The following TTC19 variants were observed in gnomAD, a reference collection of about 807,000 sequenced individuals.
TTC19 encodes the protein tetratricopeptide repeat domain 19.
In TTC19, 38 loss-of-function variants were observed where a neutral mutation model predicts 49.5. The ratio of observed to expected loss-of-function variants is 0.77; its 90% CI spans 0.59 to 1.01. TTC19 has a LOEUF of 1.01. TTC19 is among the 50% of genes least tolerant of loss of function. The pLI, the probability that TTC19 is intolerant of heterozygous loss-of-function variation, is 0.00. For synonymous variants in TTC19, 204 were observed against 185.2 expected (o/e 1.10, Z -0.83); for missense variants, 475 against 477.7 (o/e 0.99, Z 0.05).
rs1567590353 is a variant in TTC19 at position 16,028,792 on chromosome 17, TG to T, written c.*1271del. The T allele has an allele frequency of 5.0e-6, 2 of 398,090 alleles. No homozygotes were observed. Among genetic ancestry groups the T allele is most frequent in the East Asian group, 1.5e-4 (2 of 13,516 alleles). The allele number at this position is 398,090 out of a possible 1,614,324, so 24.7% of individuals were successfully genotyped here. ...AATGAGACTACACAACAATATTGTA[TG>T]TATCCCAGTAATCTTTGCATTTCTC... On this transcript the variant is annotated 3_prime_UTR_variant, in exon 10 of 10. Transcript: ENST00000261647.
intron 7 of TTC19, among the ~76,000 whole-genome samples, chr17:16,016,456 TTGAA>T (rs1260735271): frequency 2.0e-5 from 3 of 152,160 alleles, no homozygotes; most frequent in African/African-American, 7.2e-5. Context: ...GTGTATTCTG[TTGAA>T]TGGAGTTTTC....
At chr17:16,005,597 C>T (rs571446244) in intron 6 of TTC19, among the ~76,000 whole-genome samples, 3 of 152,326 alleles carry the variant, frequency 2.0e-5, no homozygotes. Flanking sequence ...AGTCGGCCTG[C>T]TTGGGTTGAC....
chr17:16,017,338 A>T (rs1030751141), intron 7 of TTC19, among the ~76,000 whole-genome samples: 2 of 151,258 alleles, frequency 1.3e-5, no homozygotes, highest in African/African-American at 4.9e-5. Context: ...AGTCCCAGCT[A>T]CTCGGGAGGC....
chr17:16,044,168 C>CAAAAAAAAAA (rs34691717), intron 2 of TTC19, among the ~76,000 whole-genome samples: 1 of 82,768 alleles, frequency 1.2e-5, no homozygotes, highest in Non-Finnish European at 2.3e-5. Flanking sequence ...GACTCCATCT[C>CAAAAAAAAAA]AAAAAAAAAA....
downstream of TTC19, among the ~76,000 whole-genome samples, chr17:16,034,295 A>G (rs1973493150): frequency 1.3e-5 from 2 of 152,150 alleles, no homozygotes; most frequent in African/African-American, 4.8e-5. Flanking sequence ...TTATATGTGC[A>G]TTCAGTTTCT....
Position 16,027,492 on chromosome 17 carries a change from T to C in TTC19, c.1113T>C (p.Ser371=), listed in dbSNP as rs767178168. 4.3e-6 allele frequency: 7 copies of C among 1,613,970 alleles called. No individual in the cohort carries two copies. The highest frequency in any genetic ancestry group is 3.3e-5 in the Admixed American group (2 of 60,004). ...REELAELSKK[S]RPLTNSVKL is the part of the protein sequence containing the mutation. ...AGTTGGCTGAGCTGTCAAAGAAAAG[T>C]AGACCTTTGACAAATTCTGTCAAGC... Residue 371 remains serine (S), a synonymous_variant, in exon 10 of 10, where the codon AGT becomes AGC. Transcript: ENST00000261647.
In TTC19 at chr17:16,029,011, A is replaced by G. The variant is rs1971727146; in HGVS notation, c.*1489A>G. 2.3e-6 allele frequency: 1 copy of G among 442,272 alleles called. No homozygotes were observed. Among genetic ancestry groups the G allele is most frequent in the Non-Finnish European group, 4.5e-6 (1 of 223,034 alleles). 27.4% of individuals were successfully genotyped at this position (442,272 alleles called of 1,614,324 possible). On this transcript the variant is annotated 3_prime_UTR_variant, in exon 10 of 10. Coordinates refer to ENST00000261647, the MANE Select transcript of TTC19 (RefSeq NM_017775.4). ...ATGCCGTTTACCAAGTCTAGCTCAG[A>G]GAGATAAGATACAATATAAATCAGA...
intron 7 of TTC19, among the ~76,000 whole-genome samples, chr17:16,016,487 G>A (rs1971219781): frequency 6.6e-6 from 1 of 151,478 alleles, no homozygotes; most frequent in Non-Finnish European, 1.5e-5. Flanking sequence ...TGTCTGTTAG[G>A]TCTAGTTGGT....
intron 6 of TTC19, among the ~76,000 whole-genome samples, chr17:16,004,999 G>C (rs1970857528): frequency 6.6e-6 from 1 of 152,218 alleles, no homozygotes. Context: ...GAACACTGCA[G>C]CTTGGTCAAT....
intron 4 of TTC19, among the ~76,000 whole-genome samples, chr17:16,003,509 T>C (rs1970804484): frequency 6.6e-6 from 1 of 151,994 alleles, no homozygotes; most frequent in African/African-American, 2.4e-5. Flanking sequence ...GACTCTGTAA[T>C]CAAAAAGATG....
intron 4 of TTC19, among the ~76,000 whole-genome samples, chr17:16,003,250 T>C (rs73978588): frequency 0.015 from 2,352 of 152,156 alleles, 69 homozygotes; most frequent in African/African-American, 0.055. Flanking sequence ...TCTGCTAAAA[T>C]TGACTGAATT....
chr17:16,020,413 A>G (rs541228632), intron 7 of TTC19, among the ~76,000 whole-genome samples: 18 of 151,888 alleles, frequency 1.2e-4, no homozygotes, highest in Non-Finnish European at 2.1e-4. Flanking sequence ...ATCATTTTGT[A>G]TTTTTGTGGG....
intron 2 of TTC19, among the ~76,000 whole-genome samples, chr17:16,041,660 C>A (rs1035631510): frequency 3.9e-5 from 6 of 151,950 alleles, no homozygotes; most frequent in Non-Finnish European, 8.8e-5. Context: ...GGTGATCTAC[C>A]CACCTCAGCC....
chr17:16,006,423 A>G (rs770930388), intron 6 of TTC19, 51 bp from the exon 7 acceptor site: 4 of 1,139,338 alleles, frequency 3.5e-6, no homozygotes, highest in Non-Finnish European at 5.1e-6. Context: ...CAGAAGGAAG[A>G]AAAAAAAAAG....
chr17:16,019,089 T>G (rs1317426033), intron 7 of TTC19, among the ~76,000 whole-genome samples: 1 of 152,188 alleles, frequency 6.6e-6, no homozygotes. Context: ...TCCCAGCACT[T>G]TGAGAAGCCG....
intron 7 of TTC19, among the ~76,000 whole-genome samples, chr17:16,023,019 G>T (rs1798564532): frequency 6.6e-6 from 1 of 152,076 alleles, no homozygotes; most frequent in Non-Finnish European, 1.5e-5. Context: ...ATATTTCAAA[G>T]AACCATGTTT....
chr17:16,006,285 C>T (rs913818504), intron 6 of TTC19, among the ~76,000 whole-genome samples, 189 bp from the exon 7 acceptor site: 3 of 152,130 alleles, frequency 2.0e-5, no homozygotes, highest in Admixed American at 2.0e-4. Flanking sequence ...TGGCGGGCAC[C>T]TGTAATCCCA....
chr17:16,005,569 CTGTAA>C (rs1970879284), intron 6 of TTC19, among the ~76,000 whole-genome samples: 1 of 152,240 alleles, frequency 6.6e-6, no homozygotes, highest in African/African-American at 2.4e-5. Context: ...CTCTGCATCT[CTGTAA>C]AAAGCAGCAG....
chr17:16,004,329 T>A, intron 6 of TTC19, 67 bp downstream of exon 6: 2 of 1,443,482 alleles, frequency 1.4e-6, no homozygotes, highest in Non-Finnish European at 2.0e-6. Flanking sequence ...TTACATAATA[T>A]TCATTGTCTA....
Sources: allele counts gnomAD v4.1 joint callset (sites outside exome capture counted in the v4.1 genomes callset), GRCh38; gene constraint gnomAD v4.1.1; transcripts MANE v1.5; gene names NCBI Gene and HGNC (gene_info 2026-07-23, HGNC 2026-07-21).